Variants in MINDY4 observed in about 807,000 individuals in gnomAD.
MINDY4 encodes the protein MINDY lysine 48 deubiquitinase 4, also known as probable ubiquitin carboxyl-terminal hydrolase MINDY-4.
In MINDY4, 68 loss-of-function variants were observed where a neutral mutation model predicts 87.0. That is an observed-to-expected ratio of 0.78 (90% CI 0.64 to 0.96). The LOEUF is 0.96. MINDY4 is among the 40% of genes least tolerant of loss of function. The pLI is 0.00. For missense variants in MINDY4, 919 were observed against 928.2 expected, an observed-to-expected ratio of 0.99 and a Z score of 0.13; for synonymous variants, 379 against 363.2, an observed-to-expected ratio of 1.04 and a Z score of -0.50.
intron 9 of MINDY4, 111 bp downstream of exon 9, chr7:30,840,959 C>A: frequency 3.1e-6 from 3 of 973,292 alleles, no homozygotes; most frequent in Non-Finnish European, 1.5e-6. Flanking sequence ...CTGTCTTCTG[C>A]AGGTCAAGAA....
chr7:30,780,834 G>T (rs752841130), intron 2 of MINDY4: 13 of 152,322 alleles, frequency 8.5e-5, no homozygotes, highest in Admixed American at 3.9e-4. Context: ...GAGAGAAAAA[G>T]CAAGAAGGCT....
At chr7:30,861,898 G>A (rs954321765) in intron 13 of MINDY4, among the ~76,000 whole-genome samples, 2 of 152,248 alleles carry the variant, frequency 1.3e-5, no homozygotes, top group African/African-American at 4.8e-5. Context: ...TGGCAGGCAT[G>A]TCCAGAGCAA....
chr7:30,802,160 G>T (rs932206946), intron 5 of MINDY4, among the ~76,000 whole-genome samples: 1 of 151,948 alleles, frequency 6.6e-6, no homozygotes, highest in Non-Finnish European at 1.5e-5. Context: ...TGCTCTGTTA[G>T]CTATGTTCCA....
In MINDY4 at chr7:30,836,750, C is replaced by T. The variant is rs200634054; in HGVS notation, c.1225C>T (p.Leu409Phe). The change falls in exon 7 of 18, where the codon CTC becomes TTC. Residue 409 changes from leucine (L) to phenylalanine (F), a missense_variant. By Grantham distance (22) the Leu-to-Phe change is conservative. Transcript: ENST00000265299. ...GCAGACAGCATCAAAACCAATTGAC[C>T]TCTCAGTAGCAAAGGTAAGTGTAAG... is the stretch of plus-strand genomic sequence containing the variant. Reference protein sequence around the residue: ...KLQTASKPIDLSVAKEIKTLL... With the variant: ...KLQTASKPIDFSVAKEIKTLL... The T allele has an allele frequency of 3.7e-6, 6 of 1,613,626 alleles. No individual in the cohort carries two copies. In the African/African-American group the frequency reaches 4.0e-5, roughly 11 times the overall value.
At chr7:30,816,257 G>A (rs1354611901) in intron 5 of MINDY4, among the ~76,000 whole-genome samples, 1 of 151,094 alleles carries the variant, frequency 6.6e-6, no homozygotes, top group African/African-American at 2.5e-5. Flanking sequence ...GTTTTGTTTT[G>A]CAAACTGTAT....
intron 5 of MINDY4, among the ~76,000 whole-genome samples, chr7:30,826,414 G>A (rs529892326): frequency 1.1e-3 from 160 of 152,326 alleles, no homozygotes; most frequent in Middle Eastern, 3.4e-3. Flanking sequence ...CTGAGAAGAA[G>A]CTGATGTTCC....
At chr7:30,826,886 A>G (rs926803520) in intron 5 of MINDY4, among the ~76,000 whole-genome samples, 10 of 152,180 alleles carry the variant, frequency 6.6e-5, no homozygotes, top group African/African-American at 2.4e-4. Flanking sequence ...ATGTATTGGC[A>G]TTCTTGCTGT....
chr7:30,772,125 C>G (rs1786660361), intron 1 of MINDY4, among the ~76,000 whole-genome samples: 1 of 152,116 alleles, frequency 6.6e-6, no homozygotes, highest in Non-Finnish European at 1.5e-5. Flanking sequence ...TTGGAAGGTC[C>G]TTAGCTGTCA....
chr7:30,844,366 G>A (rs1403426101), intron 9 of MINDY4, among the ~76,000 whole-genome samples: 3 of 152,194 alleles, frequency 2.0e-5, no homozygotes, highest in African/African-American at 7.2e-5. Flanking sequence ...CCTGACCCCA[G>A]CAAGGACTCG....
intron 10 of MINDY4, 104 bp downstream of exon 10, chr7:30,850,659 C>A: frequency 9.9e-7 from 1 of 1,013,838 alleles, no homozygotes; most frequent in Non-Finnish European, 1.5e-6. Flanking sequence ...CGTTACCCAC[C>A]CTGTGCCACA....
Position 30,882,372 on chromosome 7 carries a change from T to TCTGCCCCCCCCCC in MINDY4, c.2152+12_2152+13insTGCCCCCCCCCCC. The TCTGCCCCCCCCCC allele has an allele frequency of 6.6e-7, 1 of 1,521,490 alleles. No homozygotes were observed. Among genetic ancestry groups the TCTGCCCCCCCCCC allele is most frequent in the Non-Finnish European group, 8.9e-7 (1 of 1,127,546 alleles). The allele number at this position is 1,521,490 out of a possible 1,614,324, so 94.2% of individuals were successfully genotyped here. ...TCCGGCTGACCATTGGTGCGGGCCC[T>TCTGCCCCCCCCCC]CACCCCCCCACCCACCCAACCCTGT... On this transcript the variant is annotated intron_variant, in intron 16 of 17. Transcript: ENST00000265299.
At chr7:30,787,022 G>A (rs1441524836) in intron 4 of MINDY4, among the ~76,000 whole-genome samples, 1 of 152,254 alleles carries the variant, frequency 6.6e-6, no homozygotes, top group East Asian at 1.9e-4. Flanking sequence ...TTAGGTGTGG[G>A]TGCAGGTGCT....
At chr7:30,791,609 A>T in intron 5 of MINDY4, 35 bp downstream of exon 5, 1 of 1,558,596 alleles carries the variant, frequency 6.4e-7, no homozygotes, top group African/African-American at 1.4e-5. Context: ...GGCTTTTCAA[A>T]AAGAAGCTCC....
At chr7:30,872,429 C>T (rs980334573) in intron 14 of MINDY4, 123 bp downstream of exon 14, 3 of 854,322 alleles carry the variant, frequency 3.5e-6, no homozygotes, top group Non-Finnish European at 5.5e-6. Flanking sequence ...TGCCAACACT[C>T]TTCAAGCAGC....
At chr7:30,793,842 A>G (rs1486491274) in intron 5 of MINDY4, among the ~76,000 whole-genome samples, 1 of 152,210 alleles carries the variant, frequency 6.6e-6, no homozygotes, top group Non-Finnish European at 1.5e-5. Context: ...TGGAGTGATT[A>G]AAGAGGGGAA....
At chr7:30,871,454 G>T (rs921296315) in intron 13 of MINDY4, among the ~76,000 whole-genome samples, 6 of 152,212 alleles carry the variant, frequency 3.9e-5, no homozygotes, top group African/African-American at 1.4e-4. Context: ...CAGCAAGCCG[G>T]GAAGGAGGAT....
chr7:30,802,969 A>C (rs1295945522), intron 5 of MINDY4: 1 of 152,078 alleles, frequency 6.6e-6, no homozygotes, highest in Admixed American at 6.6e-5. Flanking sequence ...CAACCTAACC[A>C]ACCCGGCCAA....
Position 30,882,367 on chromosome 7 carries a change from G to T in MINDY4, c.2152+6G>T. ...GCAGATCCGGCTGACCATTGGTGCG[G>T]GCCCTCACCCCCCCACCCACCCAAC... is the stretch of plus-strand genomic sequence containing the variant. On this transcript the variant is annotated splice_donor_region_variant and intron_variant, in intron 16 of 17. Transcript: ENST00000265299. The T allele has an allele frequency of 6.5e-7, 1 of 1,549,062 alleles. No homozygotes were observed. Among genetic ancestry groups the T allele is most frequent in the Non-Finnish European group, 8.8e-7 (1 of 1,141,444 alleles).
chr7:30,861,523 C>G (rs1789767530), intron 13 of MINDY4, among the ~76,000 whole-genome samples: 1 of 152,204 alleles, frequency 6.6e-6, no homozygotes. Context: ...GGCCCTAGAG[C>G]TGGCTTTTTG....
Sources: allele counts gnomAD v4.1 joint callset (sites outside exome capture counted in the v4.1 genomes callset), GRCh38; gene constraint gnomAD v4.1.1; transcripts MANE v1.5; gene names NCBI Gene and HGNC (gene_info 2026-07-23, HGNC 2026-07-21).